The following DCUN1D1 variants were observed in gnomAD, a reference collection of about 807,000 sequenced individuals.
DCUN1D1 encodes the protein DCN1-like protein 1.
Under a neutral mutation model 39.0 loss-of-function variants are expected in DCUN1D1, and 3 were observed. The ratio of observed to expected loss-of-function variants is 0.08; its 90% CI spans 0.04 to 0.20. DCUN1D1 has a LOEUF of 0.20. DCUN1D1 is among the 10% of genes least tolerant of loss of function. DCUN1D1 has a pLI of 1.00. For synonymous variants in DCUN1D1, 82 were observed against 96.3 expected, an observed-to-expected ratio of 0.85 and a Z score of 0.87; for missense variants, 158 against 302.4, an observed-to-expected ratio of 0.52 and a Z score of 3.54.
At position 182,980,520 on chromosome 3, in the gene DCUN1D1, C is replaced by A; in HGVS notation, c.-31G>T. ...TGTCCTCCAGGCCTCTCCCCTCCTC[C>A]TCCGGCTCCGCAGCGAATGGACGGC... On this transcript the variant is annotated 5_prime_UTR_variant, in exon 1 of 7. It adds an upstream start codon to the 5' untranslated region. Coordinates refer to ENST00000292782, the MANE Select transcript of DCUN1D1 (RefSeq NM_020640.4). The A allele has an allele frequency of 8.1e-7, 1 of 1,236,432 alleles. No homozygotes were observed. The highest frequency in any genetic ancestry group is 1.0e-6 in the Non-Finnish European group (1 of 971,062). The allele number at this position is 1,236,432 out of a possible 1,614,324, so 76.6% of individuals were successfully genotyped here.
intron 1 of DCUN1D1, among the ~76,000 whole-genome samples, chr3:182,976,936 G>C (rs1316047987): frequency 1.3e-5 from 2 of 152,162 alleles, no homozygotes; most frequent in African/African-American, 2.4e-5. Flanking sequence ...ACATGTATTT[G>C]AATTTACAAA....
intron 4 of DCUN1D1, among the ~76,000 whole-genome samples, chr3:182,955,148 C>A (rs1253854436): frequency 6.6e-6 from 1 of 151,774 alleles, no homozygotes; most frequent in African/African-American, 2.4e-5. Context: ...TCAAGGGATT[C>A]TCCTGCCTCA....
rs1242610891 is a variant in DCUN1D1 at position 182,945,034 on chromosome 3, T to C, written c.*60A>G. ...CAGTCCAGCCAGCAGAAATTGACTG[T>C]GCAATTTTCTGTTGTATTTATTGTA... On this transcript the variant is annotated 3_prime_UTR_variant, in exon 7 of 7. Transcript: ENST00000292782. 2 of 1,397,832 alleles carry C rather than the reference T, an allele frequency of 1.4e-6. No individual in the cohort carries two copies. Among genetic ancestry groups the C allele is most frequent in the East Asian group, 2.3e-5 (1 of 43,628 alleles). 86.6% of individuals were successfully genotyped at this position (1,397,832 alleles called of 1,614,324 possible).
intron 1 of DCUN1D1, among the ~76,000 whole-genome samples, chr3:182,970,851 T>G (rs915056441): frequency 6.6e-6 from 1 of 152,102 alleles, no homozygotes; most frequent in African/African-American, 2.4e-5. Context: ...CCAAAATCAC[T>G]CACTCACAAA....
upstream of DCUN1D1, among the ~76,000 whole-genome samples, chr3:182,981,823 G>A (rs1385719100): frequency 1.3e-5 from 2 of 152,240 alleles, no homozygotes; most frequent in African/African-American, 2.4e-5. Flanking sequence ...TACCAAGGCA[G>A]GTTTCTGGCG....
upstream of DCUN1D1, among the ~76,000 whole-genome samples, chr3:182,983,532 A>C (rs572503640): frequency 1.4e-4 from 21 of 152,186 alleles, no homozygotes; most frequent in Non-Finnish European, 2.2e-4. Context: ...CCTGGCCAAC[A>C]TGGCGAAATC....
chr3:182,965,500 G>C (rs756581376), intron 2 of DCUN1D1, 37 bp downstream of exon 2: 8 of 1,429,468 alleles, frequency 5.6e-6, no homozygotes, highest in African/African-American at 2.9e-5. Context: ...GGAAAATCTG[G>C]TCCAAAATTT....
In DCUN1D1 at chr3:182,943,026, A is replaced by G. The variant is rs573305863; in HGVS notation, c.*2068T>C. The G allele has an allele frequency of 6.6e-6, 1 of 151,296 alleles. No individual in the cohort carries two copies. The highest frequency in any genetic ancestry group is 2.1e-4 in the South Asian group (1 of 4,772). 9.4% of individuals were successfully genotyped at this position (151,296 alleles called of 1,614,324 possible). A position where few individuals can be genotyped will look rare whatever the true frequency, so the allele number is the denominator to read the frequency against. On this transcript the variant is annotated 3_prime_UTR_variant, in exon 7 of 7. Coordinates refer to ENST00000292782, the MANE Select transcript of DCUN1D1 (RefSeq NM_020640.4). Reference sequence around the variant, plus strand: ...TGATGACAAACACTATTTTGTTGAAAAGGTTTTGCATTTAAAAAGAAAAAT... The same window carrying G: ...TGATGACAAACACTATTTTGTTGAAGAGGTTTTGCATTTAAAAAGAAAAAT...
chr3:182,984,998 T>C (rs956891877), upstream of DCUN1D1, among the ~76,000 whole-genome samples: 13 of 152,230 alleles, frequency 8.5e-5, no homozygotes, highest in Non-Finnish European at 1.8e-4. Context: ...TTTACACTAA[T>C]GTCCTTATTG....
At chr3:182,945,462 C>A (rs2108620015) in intron 6 of DCUN1D1, among the ~76,000 whole-genome samples, 1 of 152,262 alleles carries the variant, frequency 6.6e-6, no homozygotes, top group South Asian at 2.1e-4. Context: ...AAGGCCACTG[C>A]AGTCAGCCAA....
chr3:182,974,872 CA>C (rs1481652015), intron 1 of DCUN1D1, among the ~76,000 whole-genome samples: 3 of 151,170 alleles, frequency 2.0e-5, no homozygotes, highest in African/African-American at 7.3e-5. Context: ...AAGACTATTT[CA>C]GTGATTTTTT....
intron 3 of DCUN1D1, among the ~76,000 whole-genome samples, chr3:182,962,716 C>T (rs942324020): frequency 1.3e-5 from 2 of 152,146 alleles, no homozygotes; most frequent in African/African-American, 2.4e-5. Context: ...TTCCTTTTAT[C>T]CCTTTGACAG....
intron 4 of DCUN1D1, among the ~76,000 whole-genome samples, chr3:182,954,058 CA>C (rs1431465642): frequency 6.6e-6 from 1 of 152,080 alleles, no homozygotes; most frequent in Non-Finnish European, 1.5e-5. Context: ...ATCCTATTCA[CA>C]ATGTCTTTTT....
intron 1 of DCUN1D1, among the ~76,000 whole-genome samples, chr3:182,977,037 C>T (rs966704820): frequency 9.2e-5 from 14 of 152,148 alleles, no homozygotes; most frequent in Non-Finnish European, 1.8e-4. Flanking sequence ...TCATTGATCA[C>T]CCATTAATAT....
upstream of DCUN1D1, among the ~76,000 whole-genome samples, chr3:182,983,756 AT>A (rs1728638942): frequency 6.6e-6 from 1 of 152,012 alleles, no homozygotes; most frequent in Non-Finnish European, 1.5e-5. Context: ...CAGAGCTAGG[AT>A]TTGAAACCTG....
chr3:182,957,937 C>CAAAAAAAAAAAAAAAAAAAA (rs34998390), intron 4 of DCUN1D1, among the ~76,000 whole-genome samples: 1 of 67,502 alleles, frequency 1.5e-5, no homozygotes, highest in African/African-American at 6.4e-5. Context: ...GACCCTGCAT[C>CAAAAAAAAAAAAAAAAAAAA]AAAAAAAAAA....
chr3:182,952,034 G>A (rs900295733), intron 4 of DCUN1D1, among the ~76,000 whole-genome samples: 3 of 152,038 alleles, frequency 2.0e-5, no homozygotes, highest in East Asian at 3.9e-4. Flanking sequence ...CTCATTGCCC[G>A]GTTTCCCCAT....
At chr3:182,961,994 T>C (rs543967066) in intron 3 of DCUN1D1, among the ~76,000 whole-genome samples, 12 of 152,258 alleles carry the variant, frequency 7.9e-5, no homozygotes, top group Admixed American at 1.3e-4. Flanking sequence ...CTATTTCTTA[T>C]AGATTCCACA....
chr3:182,965,844 C>T (rs991977099), intron 1 of DCUN1D1, 91 bp from the exon 2 acceptor site: 24 of 803,568 alleles, frequency 3.0e-5, no homozygotes, highest in South Asian at 2.3e-4. Flanking sequence ...CTTAGTAATA[C>T]TTTTTCCTCA....
Sources: allele counts gnomAD v4.1 joint callset (sites outside exome capture counted in the v4.1 genomes callset), GRCh38; gene constraint gnomAD v4.1.1; transcripts MANE v1.5; gene names NCBI Gene and HGNC (gene_info 2026-07-23, HGNC 2026-07-21).